Variants in CD40 observed in about 807,000 individuals in gnomAD.
CD40 encodes tumor necrosis factor receptor superfamily member 5.
CD40 carries 19 observed loss-of-function variants against 38.5 expected under a neutral mutation model. The observed-to-expected ratio is 0.49, with a 90% CI of 0.34 to 0.72. The LOEUF (loss-of-function observed/expected upper bound fraction) is 0.72, where lower values mean the gene tolerates loss of function less well. CD40 is among the 30% of genes least tolerant of loss of function. The probability of loss-of-function intolerance (pLI) is 0.01; values close to 1 mark genes in which losing one functional copy is unlikely to be tolerated. For synonymous variants in CD40, 130 were observed against 128.7 expected (o/e 1.01, Z -0.07); for missense variants, 256 against 344.1 (o/e 0.74, Z 2.03).
chr20:46,120,927 T>C (rs2085305545), intron 1 of CD40, among the ~76,000 whole-genome samples: 2 of 152,152 alleles, frequency 1.3e-5, no homozygotes, highest in African/African-American at 4.8e-5. Context: ...TAGCCGGGCA[T>C]AGTGGTACAC....
Position 46,122,543 on chromosome 20 carries a change from G to GA in CD40, c.257-67_257-66insA. ...GTCTGAGGAAGAAAGAGCAGGCAAT[G>GA]TGGGGAGTGAGGCTCAGAGCATGGC... On this transcript the variant is annotated intron_variant, in intron 3 of 8. Transcript: ENST00000372285. This position sits in a 1 kb window ranked among gnomAD's most constrained non-coding sequence, Gnocchi z 5.0. 4 of 1,606,426 alleles carry GA rather than the reference G, an allele frequency of 2.5e-6. No individual in the cohort carries two copies. The highest frequency in any genetic ancestry group is 3.4e-6 in the Non-Finnish European group (4 of 1,173,162).
chr20:46,121,827 C>T lies in CD40; in HGVS notation c.59C>T (p.Pro20Leu). ...LWGCLLTAVH[P>L]EPPTACREKQ... Reference sequence around the variant, plus strand: ...GCACAATTCTGTTTTTAGGTCCATCCAGAACCACCCACTGCATGCAGAGAA... The same window carrying T: ...GCACAATTCTGTTTTTAGGTCCATCTAGAACCACCCACTGCATGCAGAGAA... Residue 20 changes from proline (P) to leucine (L), a missense_variant, in exon 2 of 9, where the codon CCA becomes CTA. Coordinates refer to ENST00000372285, the MANE Select transcript of CD40 (RefSeq NM_001250.6). 1 of 1,613,360 alleles carries T rather than the reference C, an allele frequency of 6.2e-7. No homozygotes were observed. The highest frequency in any genetic ancestry group is 8.5e-7 in the Non-Finnish European group (1 of 1,179,300).
intron 1 of CD40, among the ~76,000 whole-genome samples, chr20:46,119,698 C>T (rs1349802230): frequency 6.6e-6 from 1 of 152,172 alleles, no homozygotes; most frequent in Non-Finnish European, 1.5e-5. Flanking sequence ...TGATTTCTCA[C>T]AACTCCCCCA....
rs773341885 is a variant in CD40 at position 46,129,394 on chromosome 20, G to A, written c.*354G>A. 5.7e-5 allele frequency: 20 copies of A among 352,566 alleles called. No homozygotes were observed. The highest frequency in any genetic ancestry group is 7.9e-5 in the Admixed American group (2 of 25,470). The allele number at this position is 352,566 out of a possible 1,614,324, so 21.8% of individuals were successfully genotyped here. On this transcript the variant is annotated 3_prime_UTR_variant, in exon 9 of 9. Transcript: ENST00000372285. The stretch of plus-strand genomic sequence containing the variant: ...AGAGGCATCATGGTGGCTTCCCTGC[G>A]CCCAGGAAGCCATATACACAGATGC...
Position 46,129,010 on chromosome 20 carries a change from G to C in CD40, c.804G>C (p.Glu268Asp), listed in dbSNP as rs761207472. The change falls in exon 9 of 9, where the codon GAG becomes GAC. Residue 268 changes from glutamate to aspartate, a missense_variant. Transcript: ENST00000372285. Reference sequence around the variant, plus strand: ...CGGTCACCCAGGAGGATGGCAAAGAGAGTCGCATCTCAGTGCAGGAGAGAC... The same window carrying C: ...CGGTCACCCAGGAGGATGGCAAAGACAGTCGCATCTCAGTGCAGGAGAGAC... The part of the protein sequence containing the change: ...CQPVTQEDGK[E>D]SRISVQERQ 10 of 1,614,198 alleles carry C rather than the reference G, an allele frequency of 6.2e-6. No homozygotes were observed. The Admixed American group carries it at 1.7e-4, about 27-fold the overall frequency.
chr20:46,129,140 C>T lies in CD40; in HGVS notation c.*100C>T, dbSNP rs778653844. ...GTGGCGTGAGGGTGAGGGGCTGGCA[C>T]TGACTGGGCATAGCTCCCCGCTTCT... On this transcript the variant is annotated 3_prime_UTR_variant, in exon 9 of 9. Coordinates refer to ENST00000372285, the MANE Select transcript of CD40 (RefSeq NM_001250.6). The T allele has an allele frequency of 2.3e-5, 31 of 1,362,282 alleles. No individual in the cohort carries two copies. Among genetic ancestry groups the T allele is most frequent in the Non-Finnish European group, 3.2e-5 (31 of 961,440 alleles). 84.4% of individuals were successfully genotyped at this position (1,362,282 alleles called of 1,614,324 possible).
At chr20:46,121,152 C>T (rs1410567048) in intron 1 of CD40, among the ~76,000 whole-genome samples, 3 of 152,274 alleles carry the variant, frequency 2.0e-5, no homozygotes, top group East Asian at 1.9e-4. Flanking sequence ...GAAGATGAAA[C>T]ACAAGTTGAT....
In CD40 at chr20:46,122,231, A is replaced by G; in HGVS notation, c.131-2A>G. On this transcript the variant is annotated splice_acceptor_variant, in intron 2 of 8. Coordinates refer to ENST00000372285, the MANE Select transcript of CD40 (RefSeq NM_001250.6). LOFTEE classifies it high-confidence loss of function. The surrounding 1 kb of genome is among the most constrained non-coding windows in gnomAD (Gnocchi z 5.0). ...CCTCCCTCATTTCCTGATGTTTTCC[A>G]GGACAGAAACTGGTGAGTGACTGCA... 6.2e-7 allele frequency: 1 copy of G among 1,614,216 alleles called. No homozygotes were observed. The highest frequency in any genetic ancestry group is 2.2e-5 in the East Asian group (1 of 44,882).
At position 46,128,973 on chromosome 20, in the gene CD40, A is replaced by G. The variant is rs769399729; in HGVS notation, c.767A>G (p.His256Arg). ...NTAAPVQETL[H>R]GCQPVTQEDG... ...GCTGCTCCAGTGCAGGAGACTTTAC[A>G]TGGATGCCAACCGGTCACCCAGGAG... is the stretch of plus-strand genomic sequence containing the variant. The change falls in exon 9 of 9, where the codon CAT (histidine) becomes CGT (arginine). Residue 256 changes from histidine (H) to arginine (R), a missense_variant. Physicochemically the swap from His to Arg is conservative, Grantham distance 29. Transcript: ENST00000372285. 4 of 1,614,176 alleles carry G rather than the reference A, an allele frequency of 2.5e-6. No individual in the cohort carries two copies. Among genetic ancestry groups the G allele is most frequent in the East Asian group, 4.5e-5 (2 of 44,888 alleles).
At chr20:46,128,768 G>T in intron 8 of CD40, 114 bp from the exon 9 acceptor site, 1 of 1,157,966 alleles carries the variant, frequency 8.6e-7, no homozygotes, top group South Asian at 1.4e-5. Context: ...GCACTGACCC[G>T]CCGTCTGGGA....
At chr20:46,120,552 G>A (rs2145586257) in intron 1 of CD40, among the ~76,000 whole-genome samples, 1 of 152,326 alleles carries the variant, frequency 6.6e-6, no homozygotes, top group East Asian at 1.9e-4. Context: ...GGAAGTCTCT[G>A]GAGCTAGAAT....
intron 1 of CD40, among the ~76,000 whole-genome samples, chr20:46,120,782 C>A (rs922294976): frequency 1.3e-5 from 2 of 152,114 alleles, no homozygotes; most frequent in African/African-American, 4.8e-5. Context: ...GTAAATGTAC[C>A]GGCCAGGCAC....
intron 5 of CD40, among the ~76,000 whole-genome samples, chr20:46,124,496 AACAC>A (rs756357206): frequency 2.7e-5 from 4 of 149,510 alleles, no homozygotes; most frequent in South Asian, 4.2e-4. Flanking sequence ...TAAACAAACC[AACAC>A]ACACACACAC....
In CD40 at chr20:46,127,899, G is replaced by T. The variant is rs1001128452; in HGVS notation, c.560-239G>T. The T allele has an allele frequency of 7.2e-6, 5 of 698,806 alleles. No homozygotes were observed. The East Asian group carries it at 1.5e-4, about 21-fold the overall frequency. The allele number at this position is 698,806 out of a possible 1,614,324, so 43.3% of individuals were successfully genotyped here. A position where few individuals can be genotyped will look rare whatever the true frequency, so the allele number is the denominator to read the frequency against. ...TTTGTAAGAGAAATCAGATGTCTAG[G>T]TTTGAATATGTGATCTCCCAGTTTA... On this transcript the variant is annotated intron_variant, in intron 6 of 8. Coordinates refer to ENST00000372285, the MANE Select transcript of CD40 (RefSeq NM_001250.6).
intron 6 of CD40, 80 bp downstream of exon 6, chr20:46,126,781 GGA>G: frequency 6.2e-7 from 1 of 1,611,236 alleles, no homozygotes; most frequent in East Asian, 2.2e-5. Context: ...CAGGAACACT[GGA>G]TGGGAAAAAG....
rs761411842 is a variant in CD40, at chr20:46,128,892, C to CCAAGCAGGAACCCCA, written c.687_701dup (p.Pro233_Gln234insHisLysGlnGluPro). 2 of 1,614,130 alleles carry CCAAGCAGGAACCCCA rather than the reference C, an allele frequency of 1.2e-6. No homozygotes were observed. ...ACCTTGCCTCTCCAGGCCCCCCACC[C>CCAAGCAGGAACCCCA]CAAGCAGGAACCCCAGGAGATCAAT... On this transcript the variant is annotated inframe_insertion, in exon 9 of 9. Coordinates refer to ENST00000372285, the MANE Select transcript of CD40 (RefSeq NM_001250.6).
intron 5 of CD40, 131 bp from the exon 6 acceptor site, chr20:46,126,509 G>A (rs920883891): frequency 1.0e-6 from 1 of 969,322 alleles, no homozygotes; most frequent in East Asian, 2.5e-5. Context: ...TGCACGTGTT[G>A]TGTGCTCAGT....
rs267605960 is a variant in CD40, at chr20:46,122,689, G to C, written c.336G>C (p.Thr112=). ...CCTGTGAAGAAGGCTGGCACTGTAC[G>C]AGTGAGGCCTGTGAGAGCTGTGTCC... ...ICTCEEGWHC[T]SEACESCVLH... The change falls in exon 4 of 9, where the codon ACG becomes ACC. Residue 112 remains threonine (T), a synonymous_variant. Transcript: ENST00000372285. This position sits in a 1 kb window ranked among gnomAD's most constrained non-coding sequence, Gnocchi z 5.0. 1.5e-5 allele frequency: 24 copies of C among 1,614,058 alleles called. No homozygotes were observed. The highest frequency in any genetic ancestry group is 2.0e-5 in the Non-Finnish European group (24 of 1,180,024).
In CD40 at chr20:46,122,859, G is replaced by A; in HGVS notation, c.403+103G>A. The stretch of plus-strand genomic sequence containing the variant: ...GCACTTAGCCCCAGAGGCAGAGGAA[G>A]CAGAGGCTCCAACCTATGTCGGTAT... On this transcript the variant is annotated intron_variant, in intron 4 of 8. Coordinates refer to ENST00000372285, the MANE Select transcript of CD40 (RefSeq NM_001250.6). The surrounding 1 kb of genome is among the most constrained non-coding windows in gnomAD (Gnocchi z 5.0). 1 of 1,450,828 alleles carries A rather than the reference G, an allele frequency of 6.9e-7. No homozygotes were observed. Among genetic ancestry groups the A allele is most frequent in the East Asian group, 2.3e-5 (1 of 42,664 alleles). 89.9% of individuals were successfully genotyped at this position (1,450,828 alleles called of 1,614,324 possible).
Sources: allele counts gnomAD v4.1 joint callset (sites outside exome capture counted in the v4.1 genomes callset), GRCh38; gene constraint gnomAD v4.1.1; non-coding constraint Gnocchi (gnomAD v3.1); transcripts MANE v1.5; gene names NCBI Gene and HGNC (gene_info 2026-07-23, HGNC 2026-07-21).